The following CD8B2 variants were observed in gnomAD, a reference collection of about 807,000 sequenced individuals.
CD8B2 encodes T-cell surface glycoprotein CD8 beta-2 chain.
Under a neutral mutation model 23.7 loss-of-function variants are expected in CD8B2, and 11 were observed. The observed-to-expected ratio is 0.46, with a 90% confidence interval of 0.29 to 0.77. The LOEUF is 0.77. CD8B2 is among the 30% of genes least tolerant of loss of function. The pLI, the probability that CD8B2 is intolerant of heterozygous loss-of-function variation, is 0.09. For synonymous variants in CD8B2, 90 were observed against 109.3 expected, an observed-to-expected ratio of 0.82 and a Z score of 1.10; for missense variants, 197 against 270.5, an observed-to-expected ratio of 0.73 and a Z score of 1.91.
At position 106,487,515 on chromosome 2, in the gene CD8B2, C is replaced by G. The variant is rs1418395895; in HGVS notation, c.43+46C>G. 4.4e-6 allele frequency: 5 copies of G among 1,133,676 alleles called. No individual in the cohort carries two copies. In the African/African-American group the frequency reaches 6.4e-5, roughly 15 times the overall value. The allele number at this position is 1,133,676 out of a possible 1,614,324, so 70.2% of individuals were successfully genotyped here. A position where few individuals can be genotyped will look rare whatever the true frequency, so the allele number is the denominator to read the frequency against. On this transcript the variant is annotated intron_variant, in intron 1 of 5. Transcript: ENST00000643224. ...CTGCCCAAGGTCTGCGCTCCCGGGG[C>G]CTGAGCGGGGAGGTGATACGTGGCT...
chr2:106,515,747 G>C (rs550997402), downstream of CD8B2, among the ~76,000 whole-genome samples: 19 of 152,206 alleles, frequency 1.2e-4, no homozygotes, highest in South Asian at 1.7e-3. Flanking sequence ...AGGTCAACAG[G>C]ATCAACAGCA....
intron 3 of CD8B2, among the ~76,000 whole-genome samples, chr2:106,499,614 G>C (rs1679363508): frequency 6.6e-6 from 1 of 151,360 alleles, no homozygotes; most frequent in Non-Finnish European, 1.5e-5. Flanking sequence ...CAAATTCAAT[G>C]ATTTTGGGTA....
chr2:106,497,723 A>G (rs1679326211), intron 3 of CD8B2, among the ~76,000 whole-genome samples: 1 of 152,204 alleles, frequency 6.6e-6, no homozygotes, highest in Admixed American at 6.5e-5. Flanking sequence ...AATCAGAACC[A>G]ATGTACAGAA....
chr2:106,495,375 A>AGACGAATGCAGTGGCAC (rs1475333349), intron 2 of CD8B2, among the ~76,000 whole-genome samples: 2 of 151,952 alleles, frequency 1.3e-5, no homozygotes, highest in Admixed American at 1.3e-4. Context: ...ACAAAAAATT[A>AGACGAATGCAGTGGCAC]GACGAATGCA....
At chr2:106,519,482 C>A (rs1048463900) in intron 5 of CD8B2, among the ~76,000 whole-genome samples, 3 of 152,176 alleles carry the variant, frequency 2.0e-5, no homozygotes, top group Non-Finnish European at 4.4e-5. Context: ...AAGGGAAGCG[C>A]CTTACAGAGA....
At chr2:106,523,327 C>G (rs6741928) in intron 5 of CD8B2, among the ~76,000 whole-genome samples, 150,182 of 152,312 alleles carry the variant, frequency 0.99, 74,071 homozygotes, top group Middle Eastern at 1. Context: ...AGTTTCTGTA[C>G]AAGTAGACAA....
At position 106,487,435 on chromosome 2, in the gene CD8B2, G is replaced by A; in HGVS notation, c.9G>A (p.Pro3=). The A allele has an allele frequency of 8.0e-7, 1 of 1,247,194 alleles. No homozygotes were observed. The highest frequency in any genetic ancestry group is 1.0e-6 in the Non-Finnish European group (1 of 997,196). The allele number at this position is 1,247,194 out of a possible 1,614,324, so 77.3% of individuals were successfully genotyped here. Residue 3 remains proline, a synonymous_variant, in exon 1 of 6, where the codon CCG becomes CCA. Transcript: ENST00000643224. The part of the protein sequence containing the change: MR[P]RLWLLLAAQL... ...GTCCCGGGCGCGCCCCGATGCGGCC[G>A]CGGCTGTGGCTCCTCCTGGCCGCGC...
chr2:106,513,754 G>A (rs1173361378), downstream of CD8B2, among the ~76,000 whole-genome samples: 1 of 152,142 alleles, frequency 6.6e-6, no homozygotes, highest in Non-Finnish European at 1.5e-5. Flanking sequence ...AAGTTTGGGG[G>A]ACATGGGGAG....
chr2:106,533,772 A>T (rs995696165), intron 5 of CD8B2, among the ~76,000 whole-genome samples: 4 of 152,210 alleles, frequency 2.6e-5, no homozygotes, highest in Non-Finnish European at 5.9e-5. Context: ...CCTTGGTTGA[A>T]TGGGAGAGTT....
At chr2:106,505,555 A>G (rs1278687551) in intron 5 of CD8B2, among the ~76,000 whole-genome samples, 1 of 152,242 alleles carries the variant, frequency 6.6e-6, no homozygotes, top group African/African-American at 2.4e-5. Context: ...TCACTTCAGT[A>G]AATTCCACTC....
intron 5 of CD8B2, among the ~76,000 whole-genome samples, chr2:106,518,455 T>C (rs530842663): frequency 6.6e-6 from 1 of 152,324 alleles, no homozygotes; most frequent in African/African-American, 2.4e-5. Flanking sequence ...AGTGATAGGT[T>C]CTGAGCCCTG....
intron 5 of CD8B2, among the ~76,000 whole-genome samples, chr2:106,532,526 A>C (rs1216745485): frequency 6.6e-6 from 1 of 152,250 alleles, no homozygotes; most frequent in Non-Finnish European, 1.5e-5. Context: ...TGGCTGCTCC[A>C]TAGGCAGAGT....
At chr2:106,542,434 T>G (rs78282109) in intron 5 of CD8B2, among the ~76,000 whole-genome samples, 6,540 of 152,240 alleles carry the variant, frequency 0.043, 136 homozygotes, top group Non-Finnish European at 0.048. Flanking sequence ...TTTTGTAAAC[T>G]GAAATATATT....
At chr2:106,538,321 G>A (rs1680120870) in intron 5 of CD8B2, among the ~76,000 whole-genome samples, 1 of 152,174 alleles carries the variant, frequency 6.6e-6, no homozygotes, top group Admixed American at 6.5e-5. Flanking sequence ...GCCTATGTAG[G>A]CTATGTATAC....
intron 5 of CD8B2, among the ~76,000 whole-genome samples, chr2:106,542,611 G>A (rs1175583119): frequency 1.4e-5 from 2 of 148,034 alleles, no homozygotes; most frequent in African/African-American, 2.5e-5. Context: ...CCCCATGAAG[G>A]ATATATATTA....
At position 106,509,368 on chromosome 2, in the gene CD8B2, C is replaced by G. The variant is rs1036602816; in HGVS notation, c.*2428C>G. 1 of 152,256 alleles carries G rather than the reference C, an allele frequency of 6.6e-6. No homozygotes were observed. Among genetic ancestry groups the G allele is most frequent in the East Asian group, 1.9e-4 (1 of 5,164 alleles). 9.4% of individuals were successfully genotyped at this position (152,256 alleles called of 1,614,324 possible). On this transcript the variant is annotated 3_prime_UTR_variant, in exon 6 of 6. Transcript: ENST00000643224. ...TCGTGTTTCAGGTGGGCCCCTCACC[C>G]GGCCCATCACAAACAAATAAGAGAT...
Position 106,539,301 on chromosome 2 carries a change from A to T in CD8B2, c.621-4691A>T, listed in dbSNP as rs548906634. ...GCACCTAGCACAGGGCAAGCTCCTT[A>T]TAAATTTGTGAAATAAATGGATGAA... On this transcript the variant is annotated intron_variant, in intron 5 of 5. Transcript: ENST00000416057. Among the ~76,000 whole-genome samples, 3 of 152,366 alleles carry T rather than the reference A, an allele frequency of 2.0e-5. No homozygotes were observed. In the South Asian group the frequency reaches 6.2e-4, roughly 32 times the overall value.
At chr2:106,532,540 C>T (rs1161839104) in intron 5 of CD8B2, among the ~76,000 whole-genome samples, 1 of 152,142 alleles carries the variant, frequency 6.6e-6, no homozygotes, top group Non-Finnish European at 1.5e-5. Context: ...GCAGAGTAGC[C>T]CCAAGGGCTG....
At chr2:106,525,782 A>G (rs1315604537) in intron 5 of CD8B2, among the ~76,000 whole-genome samples, 1 of 152,190 alleles carries the variant, frequency 6.6e-6, no homozygotes, top group Non-Finnish European at 1.5e-5. Context: ...TATCCACATT[A>G]TAGCTTGTAT....
Sources: allele counts gnomAD v4.1 joint callset (sites outside exome capture counted in the v4.1 genomes callset), GRCh38; gene constraint gnomAD v4.1.1; transcripts MANE v1.5; gene names NCBI Gene and HGNC (gene_info 2026-07-23, HGNC 2026-07-21).